The following SAMD12 variants were observed in gnomAD, a reference collection of about 807,000 sequenced individuals.
SAMD12 encodes the protein sterile alpha motif domain containing 12.
SAMD12 carries 9 observed loss-of-function variants against 15.0 expected under a neutral mutation model. That is an observed-to-expected ratio of 0.60 (90% confidence interval 0.36 to 1.05). SAMD12 has a LOEUF of 1.05. Among genes scored for constraint, SAMD12 ranks in the 50% least tolerant of loss-of-function variants. SAMD12 has a pLI of 0.01. For missense variants in SAMD12, 230 were observed against 234.2 expected (o/e 0.98, Z 0.12); for synonymous variants, 86 against 90.1 (o/e 0.96, Z 0.25).
At chr8:118,268,703 A>G (rs1268239026) in intron 4 of SAMD12, among the ~76,000 whole-genome samples, 1 of 152,178 alleles carries the variant, frequency 6.6e-6, no homozygotes, top group Non-Finnish European at 1.5e-5. Context: ...AATCCCAGCT[A>G]CTTGGGAGGC....
intron 2 of SAMD12, among the ~76,000 whole-genome samples, chr8:118,567,636 G>T (rs975505032): frequency 2.6e-5 from 4 of 152,174 alleles, no homozygotes; most frequent in African/African-American, 9.6e-5. Context: ...ATTGGGATTT[G>T]GCTTCAGCCT....
At chr8:118,475,009 T>C (rs1823911226) in intron 2 of SAMD12, among the ~76,000 whole-genome samples, 1 of 152,068 alleles carries the variant, frequency 6.6e-6, no homozygotes, top group South Asian at 2.1e-4. Context: ...GAGGCTGAGG[T>C]GGGCGGATCA....
intron 1 of SAMD12, among the ~76,000 whole-genome samples, chr8:118,614,410 A>C (rs1014557171): frequency 6.6e-5 from 10 of 152,204 alleles, no homozygotes; most frequent in African/African-American, 2.2e-4. Context: ...GCTGGGGTTC[A>C]CATCTAGCCT....
chr8:118,172,666 T>C, the SAMD12 span, among the ~76,000 whole-genome samples: 4 of 152,222 alleles, frequency 2.6e-5, no homozygotes, highest in Non-Finnish European at 4.4e-5. Context: ...AGCTTGAACA[T>C]GCACATATAT....
rs141374115 is a variant in SAMD12 at position 118,398,519 on chromosome 8, C to T, written c.323-18819G>A. ...GATCTAAAGCTTATCTTCTCCATCC[C>T]CTCTGCTGCCTGGTCTTTCTCTGCT... On this transcript the variant is annotated intron_variant, in intron 3 of 3. Coordinates refer to ENST00000314727, the MANE Select transcript of SAMD12 (RefSeq NM_207506.3). Among the ~76,000 whole-genome samples, 43 of 152,290 alleles carry T rather than the reference C, an allele frequency of 2.8e-4. No homozygotes were observed. The East Asian group carries it at 6.8e-3, about 24-fold the overall frequency.
At chr8:118,394,484 G>C (rs2130765993) in intron 3 of SAMD12, among the ~76,000 whole-genome samples, 1 of 152,276 alleles carries the variant, frequency 6.6e-6, no homozygotes, top group Non-Finnish European at 1.5e-5. Context: ...CCAAAATCCT[G>C]GACATTGCTT....
chr8:118,491,317 G>A (rs1217007226), intron 2 of SAMD12, among the ~76,000 whole-genome samples: 5 of 152,138 alleles, frequency 3.3e-5, no homozygotes, highest in Non-Finnish European at 5.9e-5. Flanking sequence ...TCCTTTAGGT[G>A]TTTCTCCTCG....
At chr8:118,234,710 C>CAAAAAAAAAAAAAAAAA (rs10647591) in intron 4 of SAMD12, among the ~76,000 whole-genome samples, 1 of 105,634 alleles carries the variant, frequency 9.5e-6, no homozygotes, top group Non-Finnish European at 1.8e-5. Flanking sequence ...GACTCCATCT[C>CAAAAAAAAAAAAAAAAA]AAAAAAAAAA....
chr8:118,176,463 C>T, the SAMD12 span, among the ~76,000 whole-genome samples: 8 of 152,092 alleles, frequency 5.3e-5, no homozygotes, highest in African/African-American at 1.4e-4. Flanking sequence ...TACATATATA[C>T]CATAGACTAC....
Position 118,406,525 on chromosome 8 carries a change from C to T in SAMD12, c.323-26825G>A, listed in dbSNP as rs186218705. On this transcript the variant is annotated intron_variant, in intron 3 of 3. Coordinates refer to ENST00000314727, the MANE Select transcript of SAMD12 (RefSeq NM_207506.3). ...CTGACCTCAGGTGATCCACCTGCCTCGGCCTCCCAAAGTGCTAGGATTACA... is the reference window on the plus strand; with the variant it reads ...CTGACCTCAGGTGATCCACCTGCCTTGGCCTCCCAAAGTGCTAGGATTACA... Among the ~76,000 whole-genome samples the T allele has an allele frequency of 5.9e-5, 9 of 152,170 alleles. No individual in the cohort carries two copies. In the South Asian group the frequency reaches 6.2e-4, roughly 11 times the overall value.
At chr8:118,358,918 C>T (rs1309211472) in intron 4 of SAMD12, among the ~76,000 whole-genome samples, 1 of 151,840 alleles carries the variant, frequency 6.6e-6, no homozygotes, top group Non-Finnish European at 1.5e-5. Context: ...CCATGTTAGA[C>T]CATTTATAGA....
intron 4 of SAMD12, among the ~76,000 whole-genome samples, chr8:118,309,271 C>G (rs926437584): frequency 2.0e-5 from 3 of 152,098 alleles, no homozygotes; most frequent in Non-Finnish European, 2.9e-5. Context: ...AGTTACTTCA[C>G]TTAGAATAAT....
At chr8:118,539,542 C>T (rs1028625363) in intron 2 of SAMD12, among the ~76,000 whole-genome samples, 3 of 152,080 alleles carry the variant, frequency 2.0e-5, no homozygotes, top group African/African-American at 7.2e-5. Flanking sequence ...GGAGTTTCTT[C>T]CTAGTCTGAA....
At chr8:118,291,580 C>T (rs946111810) in intron 4 of SAMD12, among the ~76,000 whole-genome samples, 1 of 152,108 alleles carries the variant, frequency 6.6e-6, no homozygotes, top group Admixed American at 6.5e-5. Flanking sequence ...GCTGATGTTT[C>T]AGGGGCCTGG....
intron 4 of SAMD12, among the ~76,000 whole-genome samples, chr8:118,353,370 G>A (rs1445354224): frequency 6.6e-6 from 1 of 151,690 alleles, no homozygotes. Context: ...CCAAAGTGAT[G>A]GTATTTGGAA....
At chr8:118,473,083 G>C (rs1823851099) in intron 2 of SAMD12, among the ~76,000 whole-genome samples, 1 of 152,116 alleles carries the variant, frequency 6.6e-6, no homozygotes, top group Non-Finnish European at 1.5e-5. Flanking sequence ...GTGAGGCAGT[G>C]GGGAGAAGGG....
At chr8:118,357,699 T>C (rs529777443) in intron 4 of SAMD12, among the ~76,000 whole-genome samples, 1 of 152,352 alleles carries the variant, frequency 6.6e-6, no homozygotes, top group African/African-American at 2.4e-5. Flanking sequence ...AAAAATTCTT[T>C]AATGGCTTCT....
At chr8:118,225,517 G>A (rs1812171162) in intron 4 of SAMD12, among the ~76,000 whole-genome samples, 1 of 152,120 alleles carries the variant, frequency 6.6e-6, no homozygotes, top group African/African-American at 2.4e-5. Flanking sequence ...TACCATGCTG[G>A]GGGCAGCAGG....
chr8:118,282,043 C>T (rs10110578), intron 4 of SAMD12: 57,767 of 315,144 alleles, frequency 0.18, 5,571 homozygotes, highest in Middle Eastern at 0.22. Context: ...TATTTGGAGA[C>T]GAGGGTAACC....
Sources: allele counts gnomAD v4.1 joint callset (sites outside exome capture counted in the v4.1 genomes callset), GRCh38; gene constraint gnomAD v4.1.1; transcripts MANE v1.5; gene names NCBI Gene and HGNC (gene_info 2026-07-23, HGNC 2026-07-21).